PIP4K2A: variants seen among roughly 807,000 people sequenced by gnomAD.
The protein encoded by PIP4K2A is phosphatidylinositol 5-phosphate 4-kinase type-2 alpha.
PIP4K2A carries 14 observed loss-of-function variants against 42.9 expected under a neutral mutation model. That is an observed-to-expected ratio of 0.33 (90% CI 0.22 to 0.51). The LOEUF is 0.51. Among genes scored for constraint, PIP4K2A ranks in the 20% least tolerant of loss-of-function variants. PIP4K2A has a pLI of 0.97. For synonymous variants in PIP4K2A, 192 were observed against 192.2 expected (o/e 1.00, Z 0.01); for missense variants, 434 against 519.8 (o/e 0.83, Z 1.61).
chr10:22,566,796 G>C (rs1836858600), intron 6 of PIP4K2A, among the ~76,000 whole-genome samples: 1 of 152,160 alleles, frequency 6.6e-6, no homozygotes, highest in South Asian at 2.1e-4. Flanking sequence ...TGCCCAGCCT[G>C]AGCCAGGCGC....
intron 6 of PIP4K2A, among the ~76,000 whole-genome samples, chr10:22,563,684 T>A (rs1836766346): frequency 6.6e-6 from 1 of 152,192 alleles, no homozygotes; most frequent in Non-Finnish European, 1.5e-5. Context: ...ATGTGCGCTC[T>A]GGGGCTGCTG....
At chr10:22,587,479 G>A (rs1047666231) in intron 4 of PIP4K2A, among the ~76,000 whole-genome samples, 7 of 152,196 alleles carry the variant, frequency 4.6e-5, no homozygotes, top group Admixed American at 2.0e-4. Flanking sequence ...AAGTTTCTTA[G>A]ATACAAACCC....
chr10:22,614,782 A>C (rs1311677535), intron 1 of PIP4K2A, among the ~76,000 whole-genome samples: 1 of 152,202 alleles, frequency 6.6e-6, no homozygotes, highest in Non-Finnish European at 1.5e-5. Context: ...ACTTCCTGAA[A>C]AACTCTCTCC....
intron 4 of PIP4K2A, among the ~76,000 whole-genome samples, chr10:22,591,171 G>A (rs1284307710): frequency 3.9e-5 from 6 of 152,240 alleles, no homozygotes; most frequent in Admixed American, 3.9e-4. Flanking sequence ...TCTAAAATCA[G>A]AGAGCTTGCT....
rs901085782 is a variant in PIP4K2A, at chr10:22,623,638, G to A, written c.145-13921C>T. Among the ~76,000 whole-genome samples the A allele has an allele frequency of 4.6e-5, 7 of 152,160 alleles. No individual in the cohort carries two copies. The South Asian group carries it at 1.4e-3, about 32-fold the overall frequency. ...CAGGGGACGTCCGTGCACTGCTCAG[G>A]TCCAGTGCATTGCAACCAATTGTAG... On this transcript the variant is annotated intron_variant, in intron 1 of 9. Coordinates refer to ENST00000376573, the MANE Select transcript of PIP4K2A (RefSeq NM_005028.5).
intron 1 of PIP4K2A, among the ~76,000 whole-genome samples, chr10:22,623,227 CA>C (rs1337190160): frequency 1.3e-5 from 2 of 151,618 alleles, no homozygotes; most frequent in African/African-American, 4.8e-5. Context: ...TGAGAAAGCA[CA>C]AAAAAAGCAC....
At chr10:22,604,488 G>A (rs1837863896) in intron 3 of PIP4K2A, among the ~76,000 whole-genome samples, 2 of 151,864 alleles carry the variant, frequency 1.3e-5, no homozygotes, top group Non-Finnish European at 2.9e-5. Context: ...TTGATTTAGA[G>A]CCGCTTGTCC....
rs1478566203 is a variant in PIP4K2A, at chr10:22,539,896, AGAGAGAGAGAGAGAGG to A, written c.1140+59_1140+74del. On this transcript the variant is annotated intron_variant, in intron 9 of 9. Transcript: ENST00000376573. The stretch of plus-strand genomic sequence containing the variant: ...CACACAGAGGAGCCAGGAGAGAGAG[AGAGAGAGAGAGAGAGG>A]GAGAGAGAGAGAGAGAGAGGGAGAG... The A allele has an allele frequency of 7.2e-4, 475 of 660,768 alleles. 4 individuals carry two copies. The highest frequency in any genetic ancestry group is 1.6e-3 in the African/African-American group (46 of 29,476). 40.9% of individuals were successfully genotyped at this position (660,768 alleles called of 1,614,324 possible).
At chr10:22,614,308 C>T (rs572645081) in intron 1 of PIP4K2A, among the ~76,000 whole-genome samples, 15 of 152,166 alleles carry the variant, frequency 9.9e-5, no homozygotes, top group South Asian at 2.1e-4. Flanking sequence ...AAGAGAATTT[C>T]GGAGATCATA....
chr10:22,546,416 T>A (rs1368471711), intron 7 of PIP4K2A, among the ~76,000 whole-genome samples: 3 of 152,064 alleles, frequency 2.0e-5, no homozygotes, highest in African/African-American at 7.2e-5. Flanking sequence ...CTTCAAAACG[T>A]TAAATTTCTT....
rs1042268033 is a variant in PIP4K2A, at chr10:22,535,881, C to T, written c.*1320G>A. The T allele has an allele frequency of 3.6e-6, 1 of 275,856 alleles. No individual in the cohort carries two copies. The highest frequency in any genetic ancestry group is 5.0e-5 in the African/African-American group (1 of 19,950). The allele number at this position is 275,856 out of a possible 1,614,324, so 17.1% of individuals were successfully genotyped here. On this transcript the variant is annotated 3_prime_UTR_variant, in exon 10 of 10. Transcript: ENST00000376573. ...ATCAATCATTAGGTTGATAAATGTA[C>T]ATTTGGAGGAAAAAAAAATCCTTTT...
At chr10:22,645,173 A>T (rs1034685233) in intron 1 of PIP4K2A, among the ~76,000 whole-genome samples, 2 of 152,088 alleles carry the variant, frequency 1.3e-5, no homozygotes, top group Non-Finnish European at 1.5e-5. Context: ...TGAAAACGCA[A>T]TTTTTTTAAA....
intron 1 of PIP4K2A, among the ~76,000 whole-genome samples, chr10:22,685,043 A>C (rs556404091): frequency 6.6e-6 from 1 of 152,330 alleles, no homozygotes; most frequent in East Asian, 1.9e-4. Context: ...ATTTAATTTC[A>C]ACCACAGTAG....
intron 1 of PIP4K2A, among the ~76,000 whole-genome samples, chr10:22,642,601 AGT>A (rs1025105226): frequency 1.0e-4 from 2 of 19,532 alleles, no homozygotes; most frequent in East Asian, 1.7e-3. Context: ...TAAACAGATC[AGT>A]GTGTGTGTCT....
intron 3 of PIP4K2A, among the ~76,000 whole-genome samples, chr10:22,603,325 C>T (rs1483617986): frequency 6.6e-6 from 1 of 152,148 alleles, no homozygotes; most frequent in Admixed American, 6.5e-5. Context: ...CTCCCTCCTG[C>T]ATAACTTTTT....
At chr10:22,609,591 G>A (rs753339331) in intron 2 of PIP4K2A, 29 bp downstream of exon 2, 4 of 1,260,362 alleles carry the variant, frequency 3.2e-6, no homozygotes, top group African/African-American at 2.9e-5. Context: ...AGCCACGCTA[G>A]TCTTATGAAA....
At chr10:22,554,160 C>T (rs556488378) in intron 6 of PIP4K2A, among the ~76,000 whole-genome samples, 3 of 152,030 alleles carry the variant, frequency 2.0e-5, no homozygotes, top group Admixed American at 6.5e-5. Flanking sequence ...AAGAAAAAAA[C>T]GAGATGACAA....
In PIP4K2A at chr10:22,540,033, T is replaced by C. The variant is rs569489157; in HGVS notation, c.1078A>G (p.Ile360Val). Residue 360 changes from isoleucine (I) to valine (V), a missense_variant, in exon 9 of 10, where the codon ATC (isoleucine) becomes GTC (valine). By Grantham distance (29) the Ile-to-Val change is conservative. Around this residue, in one of 2 missense-constraint regions of PIP4K2A, gnomAD observed 39 missense variants for 75.3 expected, o/e 0.52. Transcript: ENST00000376573. ...TTTTTTGCATCATAATGAGTAAGGATGTCAATAATTGCCATGAAGTACACC... is the reference window on the plus strand; with the variant it reads ...TTTTTTGCATCATAATGAGTAAGGACGTCAATAATTGCCATGAAGTACACC... ...KEVYFMAIID[I>V]LTHYDAKKKA... is the part of the protein sequence containing the mutation. 2.5e-6 allele frequency: 4 copies of C among 1,612,704 alleles called. No individual in the cohort carries two copies. Among genetic ancestry groups the C allele is most frequent in the Middle Eastern group, 1.6e-4 (1 of 6,062 alleles).
intron 1 of PIP4K2A, among the ~76,000 whole-genome samples, chr10:22,633,945 C>G (rs1838608035): frequency 6.6e-6 from 1 of 152,250 alleles, no homozygotes; most frequent in Non-Finnish European, 1.5e-5. Context: ...ACAACAGTGC[C>G]TGGCTCAGGC....
Sources: gnomAD v4.1 joint callset for allele counts (sites outside exome capture counted in the v4.1 genomes callset) on GRCh38, gnomAD v4.1.1 for gene constraint, gnomAD v4.1.1 regional missense constraint, MANE v1.5 for transcripts, NCBI Gene and HGNC (gene_info 2026-07-23, HGNC 2026-07-21) for gene names.